SMARCA5: variants seen among roughly 807,000 people sequenced by gnomAD.
SMARCA5 encodes the protein SNF2 related chromatin remodeling ATPase 5.
SMARCA5 carries 18 observed loss-of-function variants against 140.4 expected under a neutral mutation model. That is an observed-to-expected ratio of 0.13 (90% confidence interval 0.09 to 0.19). The LOEUF (loss-of-function observed/expected upper bound fraction) is 0.19. Ranked by LOEUF, SMARCA5 falls within the 10% of genes least tolerant of loss-of-function variation. SMARCA5 has a pLI of 1.00. For synonymous variants in SMARCA5, 449 were observed against 419.6 expected, an observed-to-expected ratio of 1.07 and a Z score of -0.86; for missense variants, 606 against 1,276.8, an observed-to-expected ratio of 0.47 and a Z score of 8.01.
At position 143,553,175 on chromosome 4, in the gene SMARCA5, G is replaced by A; in HGVS notation, c.3150G>A (p.Leu1050=). 1.2e-6 allele frequency: 2 copies of A among 1,611,122 alleles called. No individual in the cohort carries two copies. The highest frequency in any genetic ancestry group is 1.7e-6 in the Non-Finnish European group (2 of 1,177,520). Reference sequence around the variant, plus strand: ...ATGGTCGAGGAAGAAAAAAGAAGCTGAAACTATGAATATGTTTTTGTTTCA... The same window carrying A: ...ATGGTCGAGGAAGAAAAAAGAAGCTAAAACTATGAATATGTTTTTGTTTCA... ...APDGRGRKKK[L]KL The change falls in exon 24 of 24, where the codon CTG becomes CTA. Residue 1050 remains leucine, a synonymous_variant. Coordinates refer to ENST00000283131, the MANE Select transcript of SMARCA5 (RefSeq NM_003601.4).
Position 143,536,653 on chromosome 4 carries a change from G to A in SMARCA5, c.1470G>A (p.Lys490=). 1 of 1,612,772 alleles carries A rather than the reference G, an allele frequency of 6.2e-7. No homozygotes were observed. Among genetic ancestry groups the A allele is most frequent in the Non-Finnish European group, 8.5e-7 (1 of 1,178,990 alleles). The change falls in exon 11 of 24, where the codon AAG becomes AAA. Residue 490 remains lysine (K), a synonymous_variant. Transcript: ENST00000283131. ...GTGGCAAAATGGTGGTTTTAGACAAGCTGCTCCCTAAGTTAAAAGAACAAG... is the reference window on the plus strand; with the variant it reads ...GTGGCAAAATGGTGGTTTTAGACAAACTGCTCCCTAAGTTAAAAGAACAAG... The part of the protein sequence containing the change: ...TNSGKMVVLD[K]LLPKLKEQGS...
chr4:143,516,205 ATT>A (rs60061501), intron 1 of SMARCA5, among the ~76,000 whole-genome samples: 1,257 of 124,390 alleles, frequency 0.01, 22 homozygotes, highest in African/African-American at 0.031. Flanking sequence ...GCATTCATGA[ATT>A]TTTTTTTTTT....
intron 1 of SMARCA5, among the ~76,000 whole-genome samples, chr4:143,516,495 T>A (rs34270361): frequency 0.16 from 24,015 of 152,092 alleles, 2,430 homozygotes; most frequent in Middle Eastern, 0.33. Flanking sequence ...TAAACTGGAC[T>A]GGGTAGGTGG....
chr4:143,555,422 G>A lies in SMARCA5; in HGVS notation c.*2238G>A. 1 of 623,670 alleles carries A rather than the reference G, an allele frequency of 1.6e-6. No homozygotes were observed. Among genetic ancestry groups the A allele is most frequent in the Non-Finnish European group, 3.0e-6 (1 of 336,372 alleles). The allele number at this position is 623,670 out of a possible 1,614,324, so 38.6% of individuals were successfully genotyped here. On this transcript the variant is annotated 3_prime_UTR_variant, in exon 24 of 24. Coordinates refer to ENST00000283131, the MANE Select transcript of SMARCA5 (RefSeq NM_003601.4). ...ACCACGATCACAGAACTTGATGACT[G>A]TATTTGTGACTAATTGTATAATAGT...
intron 9 of SMARCA5, 54 bp downstream of exon 9, chr4:143,530,580 G>T: frequency 8.4e-7 from 1 of 1,191,972 alleles, no homozygotes; most frequent in South Asian, 1.3e-5. Context: ...AAAGGATAAA[G>T]GTTTAAATTA....
chr4:143,548,323 AC>A (rs1737571595), intron 22 of SMARCA5, 183 bp downstream of exon 22: 1 of 431,728 alleles, frequency 2.3e-6, no homozygotes. Context: ...TTAGTATCTT[AC>A]GTCTTTAAAT....
chr4:143,547,078 G>A (rs1331193084), intron 20 of SMARCA5, among the ~76,000 whole-genome samples, 170 bp downstream of exon 20: 1 of 152,062 alleles, frequency 6.6e-6, no homozygotes, highest in Non-Finnish European at 1.5e-5. Flanking sequence ...TGGCGTAATG[G>A]TTTCCTTTTT....
chr4:143,543,098 TTTTAC>T (rs773045720), intron 14 of SMARCA5, among the ~76,000 whole-genome samples: 27 of 152,328 alleles, frequency 1.8e-4, no homozygotes, highest in Non-Finnish European at 3.5e-4. Flanking sequence ...GTGAAGGATT[TTTTAC>T]TTTACTTTTC....
At chr4:143,528,516 T>A (rs1299124249) in intron 7 of SMARCA5, 67 bp from the exon 8 acceptor site, 1 of 1,411,870 alleles carries the variant, frequency 7.1e-7, no homozygotes, top group East Asian at 2.4e-5. Flanking sequence ...TGGTTCCAGG[T>A]CTTTGCTGTT....
intron 11 of SMARCA5, 142 bp from the exon 12 acceptor site, chr4:143,538,448 A>G (rs1737359247): frequency 1.5e-6 from 1 of 652,178 alleles, no homozygotes. Context: ...TGACTTGGAT[A>G]ATAATGTGTA....
In SMARCA5 at chr4:143,554,535, C is replaced by G. The variant is rs1298223242; in HGVS notation, c.*1351C>G. The G allele has an allele frequency of 6.6e-6, 1 of 152,000 alleles. No homozygotes were observed. The highest frequency in any genetic ancestry group is 2.4e-5 in the African/African-American group (1 of 41,376). 9.4% of individuals were successfully genotyped at this position (152,000 alleles called of 1,614,324 possible). On this transcript the variant is annotated 3_prime_UTR_variant, in exon 24 of 24. Transcript: ENST00000283131. ...AAGATTTAAAAAAAAAATTTTGATACCTGCAGTATTACTAATACTGCTTAA... is the reference window on the plus strand; with the variant it reads ...AAGATTTAAAAAAAAAATTTTGATAGCTGCAGTATTACTAATACTGCTTAA...
intron 7 of SMARCA5, 121 bp from the exon 8 acceptor site, chr4:143,528,462 G>A: frequency 2.7e-6 from 2 of 740,378 alleles, no homozygotes; most frequent in Non-Finnish European, 4.3e-6. Flanking sequence ...ATGTATATGT[G>A]CCATATTTTC....
intron 6 of SMARCA5, among the ~76,000 whole-genome samples, chr4:143,526,960 T>A (rs1373675348): frequency 6.6e-6 from 1 of 152,184 alleles, no homozygotes; most frequent in Non-Finnish European, 1.5e-5. Context: ...TTGTATAAAA[T>A]CATTGGTTGT....
chr4:143,518,783 T>G lies in SMARCA5; in HGVS notation c.252+1354T>G, dbSNP rs112226599. On this transcript the variant is annotated intron_variant, in intron 2 of 23. Transcript: ENST00000283131. ...TATCAAACTTAGAGAAAAAATAGAT[T>G]TGCCGCTCTGTTTTTTTAAAGTGAA... Among the ~76,000 whole-genome samples the G allele has an allele frequency of 8.0e-3, 1,225 of 152,212 alleles. 20 individuals carry two copies. Among genetic ancestry groups the G allele is most frequent in the African/African-American group, 0.028 (1,166 of 41,546 alleles).
At chr4:143,546,303 C>G (rs1737524100) in intron 19 of SMARCA5, among the ~76,000 whole-genome samples, 2 of 152,104 alleles carry the variant, frequency 1.3e-5, no homozygotes, top group Non-Finnish European at 2.9e-5. Flanking sequence ...ATGTTCCCGT[C>G]TTTCCTATGA....
At chr4:143,533,208 A>G (rs1737234768) in intron 9 of SMARCA5, among the ~76,000 whole-genome samples, 1 of 152,234 alleles carries the variant, frequency 6.6e-6, no homozygotes, top group African/African-American at 2.4e-5. Context: ...GAGTCCATGT[A>G]TATAAAGTTA....
intron 9 of SMARCA5, among the ~76,000 whole-genome samples, chr4:143,531,818 C>T (rs937801302): frequency 2.6e-5 from 4 of 152,314 alleles, no homozygotes; most frequent in Admixed American, 2.0e-4. Context: ...TTTTGCTACA[C>T]CTAGAATCCT....
rs57858459 is a variant in SMARCA5, at chr4:143,551,935, T to C, written c.3094-1184T>C. 5.2e-3 allele frequency among the ~76,000 whole-genome samples: 791 copies of C among 152,202 alleles called. 9 individuals are homozygous for C. The highest frequency in any genetic ancestry group is 0.018 in the African/African-American group (753 of 41,556). ...CCATATAAATTTTAGTATTTTTTTTTCTATTTCAGTGAAGAATGTCATGGG... is the reference window on the plus strand; with the variant it reads ...CCATATAAATTTTAGTATTTTTTTTCCTATTTCAGTGAAGAATGTCATGGG... On this transcript the variant is annotated intron_variant, in intron 23 of 23. Coordinates refer to ENST00000283131, the MANE Select transcript of SMARCA5 (RefSeq NM_003601.4).
At chr4:143,520,343 A>T (rs1451726711) in intron 2 of SMARCA5, among the ~76,000 whole-genome samples, 1 of 152,198 alleles carries the variant, frequency 6.6e-6, no homozygotes, top group Non-Finnish European at 1.5e-5. Context: ...TAAATAACAG[A>T]GGCTTGTCAT....
Sources: allele counts gnomAD v4.1 joint callset (sites outside exome capture counted in the v4.1 genomes callset), GRCh38; gene constraint gnomAD v4.1.1; transcripts MANE v1.5; gene names NCBI Gene and HGNC (gene_info 2026-07-23, HGNC 2026-07-21).